The following GRIK3 variants were observed in gnomAD, a reference collection of about 807,000 sequenced individuals.
The protein encoded by GRIK3 is glutamate ionotropic receptor kainate type subunit 3, also known as glutamate receptor ionotropic, kainate 3.
GRIK3 carries 29 observed loss-of-function variants against 102.5 expected under a neutral mutation model. The observed-to-expected ratio is 0.28, with a 90% CI of 0.21 to 0.39. The LOEUF (loss-of-function observed/expected upper bound fraction) is 0.39, where lower values mean the gene tolerates loss of function less well. GRIK3 is among the 10% of genes least tolerant of loss of function. The probability of loss-of-function intolerance (pLI) is 1.00; values close to 1 mark genes in which losing one functional copy is unlikely to be tolerated. For missense variants in GRIK3, 908 were observed against 1,252.4 expected, an observed-to-expected ratio of 0.73 and a Z score of 4.15; for synonymous variants, 511 against 504.9, an observed-to-expected ratio of 1.01 and a Z score of -0.16.
intron 1 of GRIK3, among the ~76,000 whole-genome samples, chr1:36,919,583 T>C (rs1473665529): frequency 6.6e-6 from 1 of 152,058 alleles, no homozygotes; most frequent in African/African-American, 2.4e-5. Context: ...TGGTCATGCC[T>C]GGCTAAGTCA....
chr1:36,976,954 C>G (rs972681568), intron 1 of GRIK3, among the ~76,000 whole-genome samples: 1 of 152,184 alleles, frequency 6.6e-6, no homozygotes, highest in African/African-American at 2.4e-5. Context: ...GCATCTGGCA[C>G]AGAACAGCCA....
intron 1 of GRIK3, among the ~76,000 whole-genome samples, chr1:36,897,997 AGATGGAAAT>A (rs1165097200): frequency 1.3e-5 from 2 of 152,160 alleles, no homozygotes; most frequent in Non-Finnish European, 2.9e-5. Flanking sequence ...TCAACAACAT[AGATGGAAAT>A]GAGGTCATTA....
Position 36,863,541 on chromosome 1 carries a change from G to A in GRIK3, c.787-3524C>T, listed in dbSNP as rs144847222. On this transcript the variant is annotated intron_variant, in intron 5 of 15. Coordinates refer to ENST00000373091, the MANE Select transcript of GRIK3 (RefSeq NM_000831.4). ...AATTTTCCCAGTCTCGCTGGCCCCT[G>A]TACCCTTTGTCCTGCTTCTCGTCCC... 1.2e-4 allele frequency among the ~76,000 whole-genome samples: 18 copies of A among 152,176 alleles called. No homozygotes were observed. The East Asian group carries it at 3.1e-3, about 26-fold the overall frequency.
rs1279052391 is a variant in GRIK3 at position 36,845,097 on chromosome 1, C to G, written c.1327-3158G>C. Among the ~76,000 whole-genome samples the G allele has an allele frequency of 2.6e-5, 4 of 152,144 alleles. No homozygotes were observed. The East Asian group carries it at 7.7e-4, about 29-fold the overall frequency. ...GGCATACATATTTAACAGCCAAAGC[C>G]CAGAGCATTAAAATGGTGCTCGCCT... is the stretch of plus-strand genomic sequence containing the variant. On this transcript the variant is annotated intron_variant, in intron 9 of 15. Coordinates refer to ENST00000373091, the MANE Select transcript of GRIK3 (RefSeq NM_000831.4).
chr1:36,838,701 AG>A (rs1640412391), intron 10 of GRIK3, among the ~76,000 whole-genome samples: 8 of 152,206 alleles, frequency 5.3e-5, no homozygotes, highest in Admixed American at 2.6e-4. Flanking sequence ...ACACTTACAA[AG>A]GTGGGCATTC....
At chr1:36,960,882 G>A (rs902324295) in intron 1 of GRIK3, among the ~76,000 whole-genome samples, 9 of 152,206 alleles carry the variant, frequency 5.9e-5, no homozygotes, top group Non-Finnish European at 1.0e-4. Flanking sequence ...ACAAGCTGGG[G>A]AGATGGGGTG....
At chr1:36,941,825 CAGAAT>C (rs1390887903) in intron 1 of GRIK3, among the ~76,000 whole-genome samples, 1,656 of 152,246 alleles carry the variant, frequency 0.011, 32 homozygotes, top group African/African-American at 0.038. Flanking sequence ...TAAAGGGGAG[CAGAAT>C]TATGACCTAA....
At chr1:36,896,082 C>A (rs1641168785) in intron 1 of GRIK3, among the ~76,000 whole-genome samples, 1 of 152,092 alleles carries the variant, frequency 6.6e-6, no homozygotes. Flanking sequence ...AAACAAAAAT[C>A]AATGAAATTT....
intron 2 of GRIK3, among the ~76,000 whole-genome samples, chr1:36,887,417 T>C (rs989185852): frequency 1.3e-5 from 2 of 152,164 alleles, no homozygotes; most frequent in African/African-American, 2.4e-5. Context: ...GTAATGCATA[T>C]ATGCAATAGA....
In GRIK3 at chr1:36,817,190, G is replaced by A. The variant is rs762249835; in HGVS notation, c.1961C>T (p.Thr654Met). ...FFTLIIISSY[T>M]ANLAAFLTVE... ...GGTCAGAAAGGCAGCCAGGTTGGCCGTGTAGGAAGAGATGATGATGAGCGT... is the reference window on the plus strand; with the variant it reads ...GGTCAGAAAGGCAGCCAGGTTGGCCATGTAGGAAGAGATGATGATGAGCGT... The change falls in exon 13 of 16, where the codon ACG becomes ATG. Residue 654 changes from threonine (T) to methionine (M), a missense_variant. Coordinates refer to ENST00000373091, the MANE Select transcript of GRIK3 (RefSeq NM_000831.4). The A allele has an allele frequency of 6.2e-7, 1 of 1,613,784 alleles. No homozygotes were observed. Among genetic ancestry groups the A allele is most frequent in the Non-Finnish European group, 8.5e-7 (1 of 1,179,698 alleles).
Position 36,806,246 on chromosome 1 carries a change from C to T in GRIK3, c.2172G>A (p.Glu724=), listed in dbSNP as rs1642501213. The T allele has an allele frequency of 1.2e-6, 2 of 1,614,054 alleles. No homozygotes were observed. Among genetic ancestry groups the T allele is most frequent in the Non-Finnish European group, 1.7e-6 (2 of 1,179,976 alleles). The change falls in exon 14 of 16, where the codon GAG becomes GAA. Residue 724 remains glutamate (E), a synonymous_variant. Transcript: ENST00000373091. This position sits in a 1 kb window ranked among gnomAD's most constrained non-coding sequence, Gnocchi z 4.0. ...CGGCCGTCAGGGCCCTCTGGATGCCCTCCTCGTTGTTCTTCACCAGCGCCG... is the reference window on the plus strand; with the variant it reads ...CGGCCGTCAGGGCCCTCTGGATGCCTTCCTCGTTGTTCTTCACCAGCGCCG... ...KPSALVKNNE[E]GIQRALTADY...
At chr1:37,028,047 A>G (rs1199238666) in intron 1 of GRIK3, among the ~76,000 whole-genome samples, 2 of 152,198 alleles carry the variant, frequency 1.3e-5, no homozygotes, top group Non-Finnish European at 2.9e-5. Context: ...TAAAAATAAA[A>G]CGACCATAAA....
rs1348685427 is a variant in GRIK3, at chr1:36,798,388, CCTT to C, written c.*3460_*3462del. ...AGTCCAGCATCTGCTCAGGCAGGTT[CCTT>C]CTTCTGCTCCATCCAAGCAAGCTTT... On this transcript the variant is annotated 3_prime_UTR_variant, in exon 16 of 16. Transcript: ENST00000373091. 2 of 152,410 alleles carry C rather than the reference CCTT, an allele frequency of 1.3e-5. No individual in the cohort carries two copies. The highest frequency in any genetic ancestry group is 1.3e-4 in the Admixed American group (2 of 15,290). The allele number at this position is 152,410 out of a possible 1,614,324, so 9.4% of individuals were successfully genotyped here. A position where few individuals can be genotyped will look rare whatever the true frequency, so the allele number is the denominator to read the frequency against.
At position 36,819,515 on chromosome 1, in the gene GRIK3, T is replaced by G. The variant is rs1282728438; in HGVS notation, c.1873+221A>C. Among the ~76,000 whole-genome samples the G allele has an allele frequency of 3.3e-5, 5 of 152,156 alleles. No homozygotes were observed. Among genetic ancestry groups the G allele is most frequent in the African/African-American group, 1.2e-4 (5 of 41,424 alleles). On this transcript the variant is annotated intron_variant, in intron 12 of 15. Transcript: ENST00000373091. The surrounding 1 kb of genome is among the most constrained non-coding windows in gnomAD (Gnocchi z 4.1). The stretch of plus-strand genomic sequence containing the variant: ...CCCTGGGCTGGGTGGTTTTCTTAGC[T>G]TTAGACCCTGAGCCAGCTCCAGCCA...
chr1:36,994,341 C>T (rs1445433326), intron 1 of GRIK3, among the ~76,000 whole-genome samples: 1 of 152,216 alleles, frequency 6.6e-6, no homozygotes, highest in Admixed American at 6.5e-5. Flanking sequence ...CAGGCTCTGC[C>T]TTCAACCGTT....
chr1:36,984,572 G>A (rs141986966), intron 1 of GRIK3, among the ~76,000 whole-genome samples: 36 of 152,358 alleles, frequency 2.4e-4, no homozygotes, highest in African/African-American at 8.2e-4. Context: ...TGTGGACAGC[G>A]AGGTGTCTTT....
chr1:36,802,630 G>C (rs1405893362), intron 15 of GRIK3, among the ~76,000 whole-genome samples: 1 of 152,152 alleles, frequency 6.6e-6, no homozygotes, highest in Admixed American at 6.5e-5. Context: ...CCTTCTTTTG[G>C]CCTGGGTCCC....
At position 36,806,952 on chromosome 1, in the gene GRIK3, C is replaced by G. The variant is rs1056478138; in HGVS notation, c.2092-626G>C. ...AGTGGGTCCTGGGCCTCCCCTTTCA[C>G]TTCAACCAATGGAGGCCTCTTTTAT... On this transcript the variant is annotated intron_variant, in intron 13 of 15. Transcript: ENST00000373091. This position sits in a 1 kb window ranked among gnomAD's most constrained non-coding sequence, Gnocchi z 4.0. Among the ~76,000 whole-genome samples, 1 of 152,168 alleles carries G rather than the reference C, an allele frequency of 6.6e-6. No individual in the cohort carries two copies. The highest frequency in any genetic ancestry group is 2.4e-5 in the African/African-American group (1 of 41,434).
intron 1 of GRIK3, 96 bp from the exon 2 acceptor site, chr1:36,891,192 C>T (rs1641111300): frequency 1.1e-6 from 1 of 895,308 alleles, no homozygotes; most frequent in South Asian, 1.7e-5. Flanking sequence ...AAGTTGCCTG[C>T]TCCCTGAAAT....
Sources: gnomAD v4.1 joint callset for allele counts (sites outside exome capture counted in the v4.1 genomes callset) on GRCh38, gnomAD v4.1.1 for gene constraint, Gnocchi (gnomAD v3.1) non-coding constraint, MANE v1.5 for transcripts, NCBI Gene and HGNC (gene_info 2026-07-23, HGNC 2026-07-21) for gene names.